Variants in LEPR observed in about 807,000 individuals in gnomAD.
LEPR encodes the protein leptin receptor.
A neutral mutation model predicts 114.7 loss-of-function variants in LEPR; 56 were observed. That is an observed-to-expected ratio of 0.49 (90% CI 0.39 to 0.61). The LOEUF is 0.61. Among genes scored for constraint, LEPR ranks in the 20% least tolerant of loss-of-function variants. LEPR has a pLI of 0.00. For missense variants in LEPR, 1,202 were observed against 1,352.9 expected, an observed-to-expected ratio of 0.89 and a Z score of 1.75; for synonymous variants, 443 against 461.4, an observed-to-expected ratio of 0.96 and a Z score of 0.51.
chr1:65,477,443 A>G (rs982620140), intron 2 of LEPR, among the ~76,000 whole-genome samples: 1 of 152,204 alleles, frequency 6.6e-6, no homozygotes, highest in African/African-American at 2.4e-5. Context: ...AATGAATACA[A>G]CTGTCAAAGT....
rs1445275733 is a variant in LEPR, at chr1:65,570,623, A to G, written c.191A>G (p.Tyr64Cys). 6.2e-7 allele frequency: 1 copy of G among 1,614,010 alleles called. No homozygotes were observed. The stretch of plus-strand genomic sequence containing the variant: ...AATACTTCAAATTCGAATGGACATT[A>G]TGAGACAGCTGTTGAACCTAAGTTT... Reference protein sequence around the residue: ...SKNTSNSNGHYETAVEPKFNS... With the variant: ...SKNTSNSNGHCETAVEPKFNS... Residue 64 changes from tyrosine to cysteine, a missense_variant, in exon 4 of 20, where the codon TAT (tyrosine) becomes TGT (cysteine). Coordinates refer to ENST00000349533, the MANE Select transcript of LEPR (RefSeq NM_002303.6).
chr1:65,553,728 A>G (rs1375991282), intron 2 of LEPR, among the ~76,000 whole-genome samples: 1 of 152,046 alleles, frequency 6.6e-6, no homozygotes, highest in East Asian at 1.9e-4. Flanking sequence ...CAATTCATCA[A>G]ACTCATTCTG....
chr1:65,420,883 C>T, intron 1 of LEPR, 143 bp downstream of exon 1: 1 of 1,072,514 alleles, frequency 9.3e-7, no homozygotes. Context: ...GGCGATCGAC[C>T]GCTCCCTTCG....
At chr1:65,511,905 G>T (rs1649052740) in intron 2 of LEPR, among the ~76,000 whole-genome samples, 1 of 152,170 alleles carries the variant, frequency 6.6e-6, no homozygotes, top group African/African-American at 2.4e-5. Context: ...TTGCTGTAAA[G>T]AAATACCTGA....
At chr1:65,615,626 C>A (rs1314443860) in intron 14 of LEPR, among the ~76,000 whole-genome samples, 1 of 152,076 alleles carries the variant, frequency 6.6e-6, no homozygotes, top group African/African-American at 2.4e-5. Flanking sequence ...TCCTTGTTTG[C>A]TTTTTAGATG....
chr1:65,574,393 A>G (rs1253487937), intron 5 of LEPR, among the ~76,000 whole-genome samples: 2 of 143,340 alleles, frequency 1.4e-5, no homozygotes, highest in Admixed American at 6.9e-5. Flanking sequence ...AACTTAAAGT[A>G]TAATAATAAT....
chr1:65,596,644 C>T, intron 7 of LEPR, 51 bp downstream of exon 7: 2 of 1,519,526 alleles, frequency 1.3e-6, no homozygotes, highest in East Asian at 2.3e-5. Flanking sequence ...AAATAAAGAC[C>T]CTCTTAAGTC....
chr1:65,625,032 G>A (rs940004637), intron 19 of LEPR, among the ~76,000 whole-genome samples: 6 of 152,098 alleles, frequency 3.9e-5, no homozygotes, highest in African/African-American at 1.4e-4. Context: ...GTGTTGCCGA[G>A]TTTTTCAAGT....
At chr1:65,548,119 T>C (rs1002175937) in intron 2 of LEPR, among the ~76,000 whole-genome samples, 4 of 152,190 alleles carry the variant, frequency 2.6e-5, no homozygotes, top group African/African-American at 9.7e-5. Context: ...TGAGTGTCTT[T>C]GAGAGAGTTT....
chr1:65,447,270 G>A (rs1291777341), intron 2 of LEPR, among the ~76,000 whole-genome samples: 1 of 152,004 alleles, frequency 6.6e-6, no homozygotes, highest in Non-Finnish European at 1.5e-5. Context: ...TTTTTGTAAA[G>A]GGTATGAGTG....
At chr1:65,558,537 T>TTTTGAATCAGAA (rs1557662107) in intron 2 of LEPR, among the ~76,000 whole-genome samples, 5 of 24,858 alleles carry the variant, frequency 2.0e-4, no homozygotes, top group African/African-American at 4.5e-4. Flanking sequence ...TTTTTTTTTT[T>TTTTGAATCAGAA]GTTTTTTTTT....
intron 2 of LEPR, chr1:65,435,337 G>A: frequency 2.0e-6 from 2 of 982,494 alleles, no homozygotes; most frequent in Non-Finnish European, 2.4e-6. Context: ...AAATGCTTAG[G>A]TGGTGTCACA....
chr1:65,594,014 T>C (rs1001707132), intron 6 of LEPR, among the ~76,000 whole-genome samples: 2 of 152,088 alleles, frequency 1.3e-5, no homozygotes, highest in Non-Finnish European at 2.9e-5. Flanking sequence ...TTTGTCTTTA[T>C]GCAGAGATAA....
chr1:65,511,023 CA>C (rs907506459), intron 2 of LEPR, among the ~76,000 whole-genome samples: 8 of 151,956 alleles, frequency 5.3e-5, no homozygotes, highest in African/African-American at 1.9e-4. Flanking sequence ...ACAAAAAAAA[CA>C]AAACAAAACA....
At chr1:65,558,514 TTTGAATCAGAAGTTTTTTTTTTTG>T (rs1653002770) in intron 2 of LEPR, among the ~76,000 whole-genome samples, 1 of 80,564 alleles carries the variant, frequency 1.2e-5, no homozygotes, top group Non-Finnish European at 2.6e-5. Flanking sequence ...TTTTTTTTTT[TTTGAATCAGAAGTTTTTTTTTTTG>T]TTTTTTTTTT....
At chr1:65,598,617 A>G (rs1298557143) in intron 7 of LEPR, 43 bp from the exon 8 acceptor site, 1 of 1,610,394 alleles carries the variant, frequency 6.2e-7, no homozygotes, top group South Asian at 1.1e-5. Flanking sequence ...TAAAGGTTCC[A>G]CATCAACTTG....
intron 2 of LEPR, among the ~76,000 whole-genome samples, chr1:65,471,255 A>C (rs1002785324): frequency 6.6e-6 from 1 of 152,188 alleles, no homozygotes; most frequent in African/African-American, 2.4e-5. Context: ...TCTGTGCTGG[A>C]CAGTAGGAGT....
In LEPR at chr1:65,425,500, T is replaced by A. The variant is rs9436298; in HGVS notation, c.-21+122T>A. ...TAACCAGTGAGTTAGTGGAGCCCAG[T>A]TTATGAACACAGTCCCTTTGTGGGT... On this transcript the variant is annotated intron_variant, in intron 2 of 19. Coordinates refer to ENST00000349533, the MANE Select transcript of LEPR (RefSeq NM_002303.6). The A allele has an allele frequency of 0.012, 8,437 of 718,438 alleles. 214 individuals are homozygous for A. The highest frequency in any genetic ancestry group is 0.08 in the African/African-American group (4,311 of 53,850). The allele number at this position is 718,438 out of a possible 1,614,324, so 44.5% of individuals were successfully genotyped here. A position where few individuals can be genotyped will look rare whatever the true frequency, so the allele number is the denominator to read the frequency against.
At chr1:65,527,390 C>T (rs1340597513) in intron 2 of LEPR, among the ~76,000 whole-genome samples, 2 of 152,200 alleles carry the variant, frequency 1.3e-5, no homozygotes, top group African/African-American at 4.8e-5. Flanking sequence ...CACGCACACA[C>T]AAAAGTGTCT....
Sources: allele counts gnomAD v4.1 joint callset (sites outside exome capture counted in the v4.1 genomes callset), GRCh38; gene constraint gnomAD v4.1.1; transcripts MANE v1.5; gene names NCBI Gene and HGNC (gene_info 2026-07-23, HGNC 2026-07-21).